KCNAB1: variants seen among roughly 807,000 people sequenced by gnomAD.
KCNAB1 encodes voltage-gated potassium channel subunit beta-1.
KCNAB1 carries 35 observed loss-of-function variants against 64.6 expected under a neutral mutation model. The ratio of observed to expected loss-of-function variants is 0.54; its 90% CI spans 0.41 to 0.72. The LOEUF (loss-of-function observed/expected upper bound fraction) is 0.72, where lower values mean the gene tolerates loss of function less well. KCNAB1 is among the 30% of genes least tolerant of loss of function. The pLI is 0.00. For missense variants in KCNAB1, 401 were observed against 512.9 expected (o/e 0.78, Z 2.11); for synonymous variants, 177 against 183.8 (o/e 0.96, Z 0.30).
intron 1 of KCNAB1, among the ~76,000 whole-genome samples, chr3:156,334,486 T>A (rs1723552317): frequency 6.6e-6 from 1 of 152,186 alleles, no homozygotes; most frequent in Non-Finnish European, 1.5e-5. Context: ...CTGGCTTTAC[T>A]CTTGTCAGAT....
At position 156,328,103 on chromosome 3, in the gene KCNAB1, C is replaced by T. The variant is rs374427008; in HGVS notation, c.276-93513C>T. On this transcript the variant is annotated intron_variant, in intron 1 of 13. Transcript: ENST00000490337. ...ATACCTCATAACATGAAAATTTAGG[C>T]AAGAACAACATGGACAAAGAAACAA... is the stretch of plus-strand genomic sequence containing the variant. 4.6e-5 allele frequency among the ~76,000 whole-genome samples: 7 copies of T among 152,180 alleles called. No individual in the cohort carries two copies. The South Asian group carries it at 1.2e-3, about 27-fold the overall frequency.
chr3:156,376,030 G>T (rs929361402), intron 1 of KCNAB1, among the ~76,000 whole-genome samples: 2 of 152,226 alleles, frequency 1.3e-5, no homozygotes, highest in African/African-American at 2.4e-5. Context: ...ATGTTGGCCA[G>T]GCTGGTCTTG....
chr3:156,511,634 T>C (rs1201469563), intron 8 of KCNAB1, among the ~76,000 whole-genome samples: 1 of 152,194 alleles, frequency 6.6e-6, no homozygotes, highest in Admixed American at 6.5e-5. Flanking sequence ...CACCACTCTC[T>C]CTGTTTGCCA....
chr3:156,291,153 C>G lies in KCNAB1; in HGVS notation c.276-130463C>G, dbSNP rs1240389418. On this transcript the variant is annotated intron_variant, in intron 1 of 13. Transcript: ENST00000490337. ...CCTGGTGCAAGTGATCTTTGCCTTC[C>G]CATCGCACACAAAGGCAAAGAGCTC... The G allele has an allele frequency of 4.1e-6, 4 of 985,402 alleles. No homozygotes were observed. In the East Asian group the frequency reaches 4.5e-4, roughly 112 times the overall value. The allele number at this position is 985,402 out of a possible 1,614,324, so 61.0% of individuals were successfully genotyped here.
chr3:156,295,790 T>A (rs1720733189), intron 1 of KCNAB1, among the ~76,000 whole-genome samples: 1 of 152,220 alleles, frequency 6.6e-6, no homozygotes, highest in Admixed American at 6.5e-5. Context: ...ATGCATAGAA[T>A]GTGTAATGAT....
At chr3:156,221,940 C>A (rs1467224772) in intron 1 of KCNAB1, among the ~76,000 whole-genome samples, 1 of 152,098 alleles carries the variant, frequency 6.6e-6, no homozygotes, top group East Asian at 1.9e-4. Context: ...GACAAATCCT[C>A]AAAATATACC....
chr3:156,391,810 T>A (rs1180725502), intron 1 of KCNAB1, among the ~76,000 whole-genome samples: 29 of 152,212 alleles, frequency 1.9e-4, no homozygotes. Flanking sequence ...AAAAGTCATG[T>A]GACTTAGATG....
chr3:156,285,247 C>T (rs1363310019), intron 1 of KCNAB1, among the ~76,000 whole-genome samples: 1 of 152,142 alleles, frequency 6.6e-6, no homozygotes, highest in Non-Finnish European at 1.5e-5. Context: ...AACAAATTCT[C>T]TGTGAGTTAA....
At position 156,433,612 on chromosome 3, in the gene KCNAB1, G is replaced by T. The variant is rs982943831; in HGVS notation, c.319+11953G>T. 1.8e-4 allele frequency among the ~76,000 whole-genome samples: 28 copies of T among 152,302 alleles called. 1 individual carries two copies. In the South Asian group the frequency reaches 5.0e-3, roughly 27 times the overall value. On this transcript the variant is annotated intron_variant, in intron 2 of 13. Coordinates refer to ENST00000490337, the MANE Select transcript of KCNAB1 (RefSeq NM_172160.3). Reference sequence around the variant, plus strand: ...CAGAGAGATAGAGGTACAAGACATAGAAATGGCCCAGGGGAGGAAGTGACC... The same window carrying T: ...CAGAGAGATAGAGGTACAAGACATATAAATGGCCCAGGGGAGGAAGTGACC...
chr3:156,175,252 AATC>A lies in KCNAB1; in HGVS notation c.275+54367_275+54369del, dbSNP rs1712276982. 3.3e-5 allele frequency among the ~76,000 whole-genome samples: 5 copies of A among 152,364 alleles called. No homozygotes were observed. The South Asian group carries it at 1.0e-3, about 32-fold the overall frequency. On this transcript the variant is annotated intron_variant, in intron 1 of 13. Coordinates refer to ENST00000490337, the MANE Select transcript of KCNAB1 (RefSeq NM_172160.3). ...CAAGCCAGTTACTAAATAAAAAAAA[AATC>A]CCAACCAGCAAATTTGTCACATTGG... is the stretch of plus-strand genomic sequence containing the variant.
intron 1 of KCNAB1, among the ~76,000 whole-genome samples, chr3:156,394,173 T>G (rs1369421488): frequency 6.6e-6 from 1 of 152,218 alleles, no homozygotes; most frequent in Non-Finnish European, 1.5e-5. Context: ...CACAGTTGTC[T>G]TACAGAGACA....
At position 156,270,842 on chromosome 3, in the gene KCNAB1, T is replaced by A. The variant is rs527842717; in HGVS notation, c.275+149956T>A. 3.9e-5 allele frequency among the ~76,000 whole-genome samples: 6 copies of A among 152,320 alleles called. No homozygotes were observed. The East Asian group carries it at 9.6e-4, about 24-fold the overall frequency. The stretch of plus-strand genomic sequence containing the variant: ...CTTTTTCATTCAGACAAAAAAAAAA[T>A]TCCTTTTAGCATTTCTCGTGGGACA... On this transcript the variant is annotated intron_variant, in intron 1 of 13. Coordinates refer to ENST00000490337, the MANE Select transcript of KCNAB1 (RefSeq NM_172160.3).
rs144779486 is a variant in KCNAB1, at chr3:156,455,048, T to A, written c.357+2112T>A. Among the ~76,000 whole-genome samples, 174 of 152,270 alleles carry A rather than the reference T, an allele frequency of 1.1e-3. 8 individuals are homozygous for A. In the South Asian group the frequency reaches 0.035, roughly 30 times the overall value. ...ATAGCTATTGTACTTCCAGAGAGCA[T>A]CTGTGGCCTTCCCTGGGTCCCTGAA... is the stretch of plus-strand genomic sequence containing the variant. On this transcript the variant is annotated intron_variant, in intron 3 of 13. Transcript: ENST00000490337.
At chr3:156,368,448 A>G (rs1453564909) in intron 1 of KCNAB1, among the ~76,000 whole-genome samples, 3 of 152,130 alleles carry the variant, frequency 2.0e-5, no homozygotes, top group Non-Finnish European at 4.4e-5. Flanking sequence ...TTTTTTAGAG[A>G]CAGGGTCTCT....
intron 1 of KCNAB1, among the ~76,000 whole-genome samples, chr3:156,395,328 G>A (rs528704546): frequency 4.7e-5 from 7 of 149,334 alleles, no homozygotes; most frequent in South Asian, 4.2e-4. Flanking sequence ...GGCGGATCAC[G>A]AGGTCAGGAG....
At chr3:156,319,485 T>C (rs2108022188) in intron 1 of KCNAB1, among the ~76,000 whole-genome samples, 1 of 152,280 alleles carries the variant, frequency 6.6e-6, no homozygotes, top group African/African-American at 2.4e-5. Flanking sequence ...TCATTTATTT[T>C]TGGGCCTTGT....
At chr3:156,220,151 T>C (rs1715616494) in intron 1 of KCNAB1, among the ~76,000 whole-genome samples, 2 of 152,206 alleles carry the variant, frequency 1.3e-5, no homozygotes, top group Admixed American at 6.5e-5. Context: ...AAGTCTTTGC[T>C]ATTGTGAATA....
chr3:156,279,797 C>T (rs1576671831), intron 1 of KCNAB1, among the ~76,000 whole-genome samples: 1 of 152,142 alleles, frequency 6.6e-6, no homozygotes. Flanking sequence ...ATCCTTTGCC[C>T]ACTTTCTGAT....
intron 1 of KCNAB1, among the ~76,000 whole-genome samples, chr3:156,343,190 C>G (rs1322487584): frequency 6.6e-6 from 1 of 152,174 alleles, no homozygotes; most frequent in Non-Finnish European, 1.5e-5. Flanking sequence ...TTCTCTGTAT[C>G]TTAGGTTAGT....
Sources: gnomAD v4.1 joint callset for allele counts (sites outside exome capture counted in the v4.1 genomes callset) on GRCh38, gnomAD v4.1.1 for gene constraint, MANE v1.5 for transcripts, NCBI Gene and HGNC (gene_info 2026-07-23, HGNC 2026-07-21) for gene names.